The following ITGA1 variants were observed in gnomAD, a reference collection of about 807,000 sequenced individuals.
ITGA1 encodes integrin alpha-1.
In ITGA1, 85 loss-of-function variants were observed where a neutral mutation model predicts 145.9. The observed-to-expected ratio is 0.58, with a 90% CI of 0.49 to 0.70. The LOEUF is 0.70. Ranked by LOEUF, ITGA1 falls within the 30% of genes least tolerant of loss-of-function variation. The pLI, the probability that ITGA1 is intolerant of heterozygous loss-of-function variation, is 0.00. For missense variants in ITGA1, 1,351 were observed against 1,418.7 expected (o/e 0.95, Z 0.77); for synonymous variants, 520 against 495.3 (o/e 1.05, Z -0.66).
intron 6 of ITGA1, among the ~76,000 whole-genome samples, chr5:52,880,474 A>C (rs778949692): frequency 1.3e-5 from 2 of 152,204 alleles, no homozygotes; most frequent in Non-Finnish European, 2.9e-5. Context: ...ACACCAGAAT[A>C]TGCTTTTAGT....
chr5:52,947,147 C>T (rs926892941), intron 27 of ITGA1, among the ~76,000 whole-genome samples, 198 bp from the exon 28 acceptor site: 2 of 151,828 alleles, frequency 1.3e-5, no homozygotes. Flanking sequence ...TTATAAATAC[C>T]TTTTGGTAAT....
At chr5:52,948,220 A>G (rs977294894) in intron 28 of ITGA1, among the ~76,000 whole-genome samples, 1 of 152,196 alleles carries the variant, frequency 6.6e-6, no homozygotes, top group Non-Finnish European at 1.5e-5. Flanking sequence ...TGAATAGAGA[A>G]TAACATCCCA....
chr5:52,907,739 G>A (rs1579711149), intron 12 of ITGA1, among the ~76,000 whole-genome samples: 1 of 152,310 alleles, frequency 6.6e-6, no homozygotes, highest in East Asian at 1.9e-4. Context: ...AACACAGGAA[G>A]TGGTGGGAAC....
chr5:52,821,497 T>C (rs1225227422), intron 1 of ITGA1, among the ~76,000 whole-genome samples: 1 of 152,188 alleles, frequency 6.6e-6, no homozygotes, highest in Non-Finnish European at 1.5e-5. Flanking sequence ...GTCACTATAA[T>C]ACATAAGTCA....
chr5:52,864,721 G>A, intron 3 of ITGA1, 42 bp from the exon 4 acceptor site: 1 of 1,260,054 alleles, frequency 7.9e-7, no homozygotes, highest in South Asian at 1.3e-5. Context: ...ATTTCACTTT[G>A]TGAAACTTTT....
chr5:52,914,218 A>G (rs1358869254), intron 14 of ITGA1, among the ~76,000 whole-genome samples: 2 of 152,212 alleles, frequency 1.3e-5, no homozygotes, highest in Non-Finnish European at 1.5e-5. Context: ...TTTCCAAGGA[A>G]TAGGTGAAGA....
At chr5:52,910,794 G>A (rs866065048) in intron 14 of ITGA1, among the ~76,000 whole-genome samples, 2 of 143,472 alleles carry the variant, frequency 1.4e-5, no homozygotes, top group Non-Finnish European at 3.0e-5. Context: ...TATACAAATA[G>A]TATAAATATA....
At chr5:52,814,630 T>G (rs893763309) in intron 1 of ITGA1, among the ~76,000 whole-genome samples, 1 of 152,124 alleles carries the variant, frequency 6.6e-6, no homozygotes, top group African/African-American at 2.4e-5. Flanking sequence ...ATAAATTACC[T>G]TAAACCTGGC....
intron 1 of ITGA1, among the ~76,000 whole-genome samples, chr5:52,815,700 A>G (rs934843423): frequency 6.6e-5 from 10 of 152,206 alleles, no homozygotes; most frequent in African/African-American, 2.4e-4. Flanking sequence ...TTGAATATCA[A>G]TGAATGTCTA....
intron 11 of ITGA1, chr5:52,902,135 T>C (rs777170717): frequency 2.6e-5 from 4 of 152,070 alleles, no homozygotes; most frequent in Admixed American, 6.6e-5. Context: ...CTATGAAAAA[T>C]CTTATGAAGG....
At chr5:52,833,829 T>C (rs1749114018) in intron 1 of ITGA1, among the ~76,000 whole-genome samples, 3 of 152,086 alleles carry the variant, frequency 2.0e-5, no homozygotes, top group Admixed American at 2.0e-4. Flanking sequence ...ATTAACTTTG[T>C]GGAATTGTGC....
At position 52,958,807 on chromosome 5, in the gene ITGA1, A is replaced by T. The variant is rs1561261396; in HGVS notation, c.*6356A>T. The T allele has an allele frequency of 6.6e-6, 1 of 150,498 alleles. No individual in the cohort carries two copies. The highest frequency in any genetic ancestry group is 6.6e-5 in the Admixed American group (1 of 15,042). 9.3% of individuals were successfully genotyped at this position (150,498 alleles called of 1,614,324 possible). A position where few individuals can be genotyped will look rare whatever the true frequency, so the allele number is the denominator to read the frequency against. ...AACATAAAGTTATATTTCATTGCTC[A>T]TTTTTTTTTGCCTCACTAAAATGAC... On this transcript the variant is annotated 3_prime_UTR_variant, in exon 29 of 29. Coordinates refer to ENST00000282588, the MANE Select transcript of ITGA1 (RefSeq NM_181501.2).
intron 8 of ITGA1, among the ~76,000 whole-genome samples, chr5:52,893,382 G>T (rs575317495): frequency 1.3e-5 from 2 of 152,258 alleles, no homozygotes; most frequent in Non-Finnish European, 2.9e-5. Context: ...TGAACTGTCA[G>T]ATTTTAAAAA....
At chr5:52,925,191 T>C in intron 18 of ITGA1, 87 bp from the exon 19 acceptor site, 1 of 933,248 alleles carries the variant, frequency 1.1e-6, no homozygotes, top group South Asian at 1.4e-5. Flanking sequence ...ACTTTGGCTG[T>C]ATGCCATTTT....
In ITGA1 at chr5:52,834,600, AAG is replaced by A. The variant is rs199981476; in HGVS notation, c.62-14757_62-14756del. On this transcript the variant is annotated intron_variant, in intron 1 of 28. Transcript: ENST00000282588. ...AAGAAAGAAAGAGAGAGAGAGAAGA[AAG>A]AGAGAGAAAGAAGAAAGAAAGGGAG... Among the ~76,000 whole-genome samples, 15 of 145,234 alleles carry A rather than the reference AAG, an allele frequency of 1.0e-4. No individual in the cohort carries two copies. In the South Asian group the frequency reaches 1.4e-3, roughly 13 times the overall value.
intron 1 of ITGA1, among the ~76,000 whole-genome samples, chr5:52,837,368 G>A (rs1445676194): frequency 2.0e-5 from 3 of 152,176 alleles, no homozygotes; most frequent in African/African-American, 7.2e-5. Flanking sequence ...TGTGAAGGAA[G>A]GGCAGGTTGA....
intron 1 of ITGA1, among the ~76,000 whole-genome samples, chr5:52,798,287 G>A (rs1254832781): frequency 6.6e-6 from 1 of 152,112 alleles, no homozygotes; most frequent in Non-Finnish European, 1.5e-5. Context: ...GGAAGTAAGG[G>A]GAGACATAGA....
intron 1 of ITGA1, among the ~76,000 whole-genome samples, chr5:52,831,100 A>C (rs769105794): frequency 6.6e-6 from 1 of 151,948 alleles, no homozygotes; most frequent in African/African-American, 2.4e-5. Context: ...TTTTTTACAT[A>C]GGAATCACCT....
At chr5:52,808,668 CTTTCTTTCTTTTTTTTTTTTTTTTT>C (rs1329137397) in intron 1 of ITGA1, among the ~76,000 whole-genome samples, 28 of 40,860 alleles carry the variant, frequency 6.9e-4, no homozygotes, top group Non-Finnish European at 5.5e-4. Context: ...CTTTTTCTTT[CTTTCTTTCTTTTTTTTTTTTTTTTT>C]TTTTGTTTGA....
Sources: gnomAD v4.1 joint callset for allele counts (sites outside exome capture counted in the v4.1 genomes callset) on GRCh38, gnomAD v4.1.1 for gene constraint, MANE v1.5 for transcripts, NCBI Gene and HGNC (gene_info 2026-07-23, HGNC 2026-07-21) for gene names.